The following STARD9 variants were observed in gnomAD, a reference collection of about 807,000 sequenced individuals.
STARD9 encodes StAR related lipid transfer domain containing 9.
STARD9 carries 346 observed loss-of-function variants against 399.8 expected under a neutral mutation model. The observed-to-expected ratio is 0.87, with a 90% CI of 0.79 to 0.95. The LOEUF (loss-of-function observed/expected upper bound fraction) is 0.95, where lower values mean the gene tolerates loss of function less well. Ranked by LOEUF, STARD9 falls within the 40% of genes least tolerant of loss-of-function variation. The pLI, the probability that STARD9 is intolerant of heterozygous loss-of-function variation, is 0.00. For synonymous variants in STARD9, 2,203 were observed against 2,143.5 expected, an observed-to-expected ratio of 1.03 and a Z score of -0.77; for missense variants, 5,832 against 5,667.5, an observed-to-expected ratio of 1.03 and a Z score of -0.93.
At chr15:42,636,843 A>T (rs889509234) in intron 4 of STARD9, among the ~76,000 whole-genome samples, 3 of 152,068 alleles carry the variant, frequency 2.0e-5, no homozygotes, top group African/African-American at 7.2e-5. Context: ...AGGCAGGCGG[A>T]TCACCTGAGC....
intron 9 of STARD9, among the ~76,000 whole-genome samples, chr15:42,654,740 C>T (rs1445061414): frequency 6.6e-6 from 1 of 151,600 alleles, no homozygotes; most frequent in South Asian, 2.1e-4. Flanking sequence ...AAGACCTGTA[C>T]AAGAAGAACT....
intron 13 of STARD9, among the ~76,000 whole-genome samples, chr15:42,664,789 A>AACACACACACACACACACACACACAC (rs55773330): frequency 1.2e-4 from 17 of 144,726 alleles, no homozygotes; most frequent in African/African-American, 3.3e-4. Flanking sequence ...TTTATCCTTT[A>AACACACACACACACACACACACACAC]ACACACACAC....
intron 3 of STARD9, among the ~76,000 whole-genome samples, chr15:42,601,511 T>C (rs1189758966): frequency 7.6e-5 from 11 of 143,836 alleles, no homozygotes; most frequent in Non-Finnish European, 1.4e-4. Context: ...ACCTCCCGGA[T>C]GGGGCGGCTG....
intron 6 of STARD9, 58 bp from the exon 7 acceptor site, chr15:42,638,642 T>C: frequency 8.1e-7 from 1 of 1,229,276 alleles, no homozygotes; most frequent in South Asian, 1.4e-5. Context: ...TTTAGCTCAA[T>C]GTTGTTTCTA....
At chr15:42,610,401 T>G (rs775556799) in intron 3 of STARD9, among the ~76,000 whole-genome samples, 13 of 152,332 alleles carry the variant, frequency 8.5e-5, no homozygotes, top group Non-Finnish European at 1.8e-4. Flanking sequence ...GGAGATGGGT[T>G]GTTCTCTCAG....
At position 42,690,174 on chromosome 15, in the gene STARD9, C is replaced by G. The variant is rs771779746; in HGVS notation, c.8596C>G (p.Leu2866Val). The change falls in exon 23 of 33, where the codon CTG becomes GTG. Residue 2866 changes from leucine (L) to valine (V), a missense_variant. Physicochemically the swap from Leu to Val is conservative, Grantham distance 32. Around this residue, in one of 2 missense-constraint regions of STARD9, gnomAD observed 5,828 missense variants for 5,651.1 expected, o/e 1.03. Coordinates refer to ENST00000290607, the MANE Select transcript of STARD9 (RefSeq NM_020759.3). Reference protein sequence around the residue: ...ILPGALTRVALEAPTQQCVQC... With the variant: ...ILPGALTRVAVEAPTQQCVQC... ...GCCTGGAGCTCTGACAAGGGTTGCA[C>G]TGGAAGCTCCCACACAGCAGTGTGT... is the stretch of plus-strand genomic sequence containing the variant. The G allele has an allele frequency of 1.4e-4, 208 of 1,537,674 alleles. No individual in the cohort carries two copies. The highest frequency in any genetic ancestry group is 1.7e-4 in the Non-Finnish European group (193 of 1,147,042).
intron 3 of STARD9, chr15:42,629,974 T>G (rs962335919): frequency 6.6e-6 from 1 of 151,928 alleles, no homozygotes; most frequent in Non-Finnish European, 1.5e-5. Context: ...AAATTCCACT[T>G]GGTCACGATA....
intron 26 of STARD9, among the ~76,000 whole-genome samples, chr15:42,699,458 A>G (rs1404711604): frequency 1.4e-5 from 2 of 145,124 alleles, no homozygotes; most frequent in Non-Finnish European, 3.0e-5. Flanking sequence ...CAGTGGCTCA[A>G]TCTCGGCTCA....
In STARD9 at chr15:42,638,055, C is replaced by T. The variant is rs1486330739; in HGVS notation, c.414C>T (p.Ala138=). 2.6e-6 allele frequency: 4 copies of T among 1,537,192 alleles called. No homozygotes were observed. The highest frequency in any genetic ancestry group is 2.0e-5 in the Admixed American group (1 of 50,952). Reference sequence around the variant, plus strand: ...TCTTCGTCAGGGAGAAAGACTGTGCCTCACTGCCTTCCTCCTGTAGGATAA... The same window carrying T: ...TCTTCGTCAGGGAGAAAGACTGTGCTTCACTGCCTTCCTCCTGTAGGATAA... ...EGLFVREKDC[A]SLPSSCRIKV... The change falls in exon 6 of 33, where the codon GCC becomes GCT. Residue 138 remains alanine, a synonymous_variant. Coordinates refer to ENST00000290607, the MANE Select transcript of STARD9 (RefSeq NM_020759.3).
chr15:42,580,905 C>T (rs1398052557), intron 1 of STARD9, among the ~76,000 whole-genome samples: 2 of 152,152 alleles, frequency 1.3e-5, no homozygotes, highest in Non-Finnish European at 2.9e-5. Context: ...TTCAATCTAA[C>T]TTGTTTAACT....
chr15:42,647,631 T>C (rs577438946), intron 7 of STARD9, among the ~76,000 whole-genome samples: 2 of 152,310 alleles, frequency 1.3e-5, no homozygotes, highest in Admixed American at 6.5e-5. Flanking sequence ...GTTTCAGATG[T>C]GTTTTTTATT....
chr15:42,582,173 C>T lies in STARD9; in HGVS notation c.48-1173C>T, dbSNP rs546136480. 3.3e-5 allele frequency among the ~76,000 whole-genome samples: 5 copies of T among 152,258 alleles called. 1 individual carries two copies. The South Asian group carries it at 1.0e-3, about 32-fold the overall frequency. On this transcript the variant is annotated intron_variant, in intron 1 of 32. Transcript: ENST00000290607. ...CAATAAACAAAATTAAATCTAAAGA[C>T]CCCTGTCTCACTGTGTTTCTCCTAC...
At chr15:42,620,416 G>A (rs997539932) in intron 3 of STARD9, among the ~76,000 whole-genome samples, 7 of 151,970 alleles carry the variant, frequency 4.6e-5, no homozygotes, top group Non-Finnish European at 8.8e-5. Context: ...GGGAGGTCAA[G>A]GCTGCAGTGA....
chr15:42,690,325 C>A lies in STARD9; in HGVS notation c.8747C>A (p.Ala2916Asp), dbSNP rs1386686842. The A allele has an allele frequency of 2.6e-6, 4 of 1,537,102 alleles. No homozygotes were observed. The highest frequency in any genetic ancestry group is 3.5e-6 in the Non-Finnish European group (4 of 1,146,884). Residue 2916 changes from alanine (A) to aspartate (D), a missense_variant, in exon 23 of 33, where the codon GCC becomes GAC. Transcript: ENST00000290607. Reference protein sequence around the residue: ...SANPGGIGEEAPCRHPREALD... With the variant: ...SANPGGIGEEDPCRHPREALD... ...AATCCTGGGGGAATTGGGGAGGAAGCCCCATGTAGACACCCAAGGGAAGCT... is the reference window on the plus strand; with the variant it reads ...AATCCTGGGGGAATTGGGGAGGAAGACCCATGTAGACACCCAAGGGAAGCT...
chr15:42,635,004 C>A, intron 4 of STARD9, 32 bp downstream of exon 4: 1 of 1,232,392 alleles, frequency 8.1e-7, no homozygotes, highest in Non-Finnish European at 1.1e-6. Context: ...ATTCCTAATG[C>A]CACAGCAAGC....
At chr15:42,652,618 G>A (rs1252890752) in intron 9 of STARD9, 26 bp downstream of exon 9, 2 of 1,521,088 alleles carry the variant, frequency 1.3e-6, no homozygotes, top group Non-Finnish European at 1.8e-6. Context: ...TGTTTGGTGA[G>A]ATTTCTTCCT....
chr15:42,636,570 G>A (rs1223145822), intron 4 of STARD9, among the ~76,000 whole-genome samples: 1 of 150,980 alleles, frequency 6.6e-6, no homozygotes, highest in Non-Finnish European at 1.5e-5. Flanking sequence ...AATGGGACGA[G>A]ACTTTGTCTC....
At chr15:42,592,083 C>A (rs951690567) in intron 3 of STARD9, among the ~76,000 whole-genome samples, 1 of 152,186 alleles carries the variant, frequency 6.6e-6, no homozygotes, top group African/African-American at 2.4e-5. Flanking sequence ...GTGATCTGAT[C>A]ATCTCTTTAT....
At chr15:42,719,067 G>GGAGT (rs1382633819) in intron 32 of STARD9, among the ~76,000 whole-genome samples, 157 bp downstream of exon 32, 1 of 152,210 alleles carries the variant, frequency 6.6e-6, no homozygotes, top group Non-Finnish European at 1.5e-5. Flanking sequence ...TGCAGTAAGG[G>GGAGT]GAGTCAGTGG....
Sources: gnomAD v4.1 joint callset for allele counts (sites outside exome capture counted in the v4.1 genomes callset) on GRCh38, gnomAD v4.1.1 for gene constraint, gnomAD v4.1.1 regional missense constraint, MANE v1.5 for transcripts, NCBI Gene and HGNC (gene_info 2026-07-23, HGNC 2026-07-21) for gene names.